OTOG: variants seen among roughly 807,000 people sequenced by gnomAD.
The protein encoded by OTOG is otogelin.
A neutral mutation model predicts 313.8 loss-of-function variants in OTOG; 296 were observed. The observed-to-expected ratio is 0.94, with a 90% CI of 0.86 to 1.04. The LOEUF (loss-of-function observed/expected upper bound fraction) is 1.04. Ranked by LOEUF, OTOG falls within the 50% of genes least tolerant of loss-of-function variation. The pLI, the probability that OTOG is intolerant of heterozygous loss-of-function variation, is 0.00. For missense variants in OTOG, 3,948 were observed against 3,840.1 expected (o/e 1.03, Z -0.74); for synonymous variants, 1,533 against 1,554.9 (o/e 0.99, Z 0.33).
At position 17,627,120 on chromosome 11, in the gene OTOG, G is replaced by T. The variant is rs188968557; in HGVS notation, c.6529-2013G>T. ...TCAATGCCCTTCATTTCTTTCTCTT[G>T]TCTGATTGCTCTAGGTAGGACTTCT... On this transcript the variant is annotated intron_variant, in intron 39 of 55. Transcript: ENST00000399397. Among the ~76,000 whole-genome samples the T allele has an allele frequency of 4.1e-3, 623 of 152,060 alleles. 4 individuals carry two copies. Among genetic ancestry groups the T allele is most frequent in the Middle Eastern group, 0.017 (5 of 294 alleles).
intron 16 of OTOG, 83 bp from the exon 17 acceptor site, chr11:17,570,130 T>G: frequency 7.7e-7 from 1 of 1,296,234 alleles, no homozygotes; most frequent in Non-Finnish European, 1.1e-6. Flanking sequence ...CGTGGGAGTC[T>G]GAGCGGGCCA....
At chr11:17,638,972 C>G in intron 48 of OTOG, 1 of 393,364 alleles carries the variant, frequency 2.5e-6, no homozygotes, top group South Asian at 2.1e-5. Context: ...GTGATAGGTG[C>G]CTTTAAGAGG....
chr11:17,548,200 C>T lies in OTOG; in HGVS notation c.204C>T (p.Val68=), dbSNP rs999578353. ...TTGCCATGGGGGACAAGGCTACAGT[C>T]GTGGGAGGCCAGGTAAGGGAGGTCT... ...ATLAMGDKAT[V]VGGQQAEAPD... is the part of the protein sequence containing the mutation. The change falls in exon 3 of 56, where the codon GTC becomes GTT. Residue 68 remains valine, a synonymous_variant. Transcript: ENST00000399397. The T allele has an allele frequency of 1.2e-5, 19 of 1,546,522 alleles. No homozygotes were observed. The East Asian group carries it at 2.0e-4, about 16-fold the overall frequency.
chr11:17,626,617 C>T (rs1224147811), intron 39 of OTOG, among the ~76,000 whole-genome samples: 3 of 152,084 alleles, frequency 2.0e-5, no homozygotes, highest in African/African-American at 7.2e-5. Flanking sequence ...TTTTATAATT[C>T]CATGTATATT....
In OTOG at chr11:17,586,486, C is replaced by A; in HGVS notation, c.2772C>A (p.His924Gln). 7.0e-7 allele frequency: 1 copy of A among 1,430,384 alleles called. No homozygotes were observed. The highest frequency in any genetic ancestry group is 1.6e-5 in the South Asian group (1 of 63,208). The allele number at this position is 1,430,384 out of a possible 1,614,324, so 88.6% of individuals were successfully genotyped here. Residue 924 changes from histidine (H) to glutamine (Q), a missense_variant, in exon 24 of 56, where the codon CAC becomes CAA. By Grantham distance (24) the His-to-Gln change is conservative (BLOSUM62 0). Coordinates refer to ENST00000399397, the MANE Select transcript of OTOG (RefSeq NM_001292063.2). ...GCACPQGLLR[H>Q]GDACFLPEEC... The stretch of plus-strand genomic sequence containing the variant: ...TGTGTCTCTACAGTCTGCTCAGACA[C>A]GGGGATGCATGTTTCCTGCCAGAGG...
rs1470665436 is a variant in OTOG at position 17,642,186 on chromosome 11, T to A, written c.8355T>A (p.Gly2785=). ...ARHHCSSTPL[G]AVLVRSPISC... ...ACCACTGCAGCAGCACGCCCCTGGG[T>A]GCCGTGCTGGTCCGCTCTCCCATAA... The change falls in exon 53 of 56, where the codon GGT becomes GGA. Residue 2785 remains glycine, a synonymous_variant. Coordinates refer to ENST00000399397, the MANE Select transcript of OTOG (RefSeq NM_001292063.2). 1.9e-6 allele frequency: 3 copies of A among 1,550,222 alleles called. No homozygotes were observed. The African/African-American group carries it at 4.1e-5, about 21-fold the overall frequency.
intron 3 of OTOG, among the ~76,000 whole-genome samples, chr11:17,551,127 A>T (rs772870185): frequency 9.2e-5 from 14 of 152,236 alleles, no homozygotes; most frequent in Non-Finnish European, 1.8e-4. Flanking sequence ...TGTTCACTGC[A>T]TCCAGCACAA....
rs1854133435 is a variant in OTOG, at chr11:17,631,790, C to A, written c.6801C>A (p.Asp2267Glu). The change falls in exon 41 of 56, where the codon GAC becomes GAA. Residue 2267 changes from aspartate to glutamate, a missense_variant. Transcript: ENST00000399397. ...GGAEDPAPFL[D>E]SWQVPSSLTS... ...CTGAGGACCCTGCTCCCTTTCTGGA[C>A]AGCTGGCAGGTGCCCAGCTCCCTGA... The A allele has an allele frequency of 4.5e-6, 7 of 1,550,660 alleles. No homozygotes were observed. The highest frequency in any genetic ancestry group is 6.1e-6 in the Non-Finnish European group (7 of 1,147,012).
intron 32 of OTOG, among the ~76,000 whole-genome samples, chr11:17,603,889 G>A (rs1565113108): frequency 2.0e-5 from 3 of 152,172 alleles, no homozygotes; most frequent in Non-Finnish European, 4.4e-5. Context: ...AGATTTTTGT[G>A]GTGGGGAGGT....
At position 17,593,703 on chromosome 11, in the gene OTOG, CT is replaced by C; in HGVS notation, c.3236del (p.Leu1079ProfsTer30). 6.5e-7 allele frequency: 1 copy of C among 1,548,946 alleles called. No individual in the cohort carries two copies. Among genetic ancestry groups the C allele is most frequent in the Non-Finnish European group, 8.7e-7 (1 of 1,146,982 alleles). On this transcript the variant is annotated frameshift_variant, in exon 27 of 56. Coordinates refer to ENST00000399397, the MANE Select transcript of OTOG (RefSeq NM_001292063.2). LOFTEE classifies it high-confidence loss of function. ...LVHFPQEHIT[L>X]LWDQRTTVHV... is the part of the protein sequence containing the mutation. The stretch of plus-strand genomic sequence containing the variant: ...GCATTTCCCACAGGAGCACATCACC[CT>C]CTTGTGGGACCAGAGAACCACAGTG...
chr11:17,550,328 A>G (rs772755406), intron 3 of OTOG, among the ~76,000 whole-genome samples: 1 of 152,220 alleles, frequency 6.6e-6, no homozygotes, highest in Non-Finnish European at 1.5e-5. Flanking sequence ...ACATTTTTAT[A>G]AAATATTTTC....
At chr11:17,584,235 A>G (rs572267543) in intron 23 of OTOG, among the ~76,000 whole-genome samples, 32 of 152,312 alleles carry the variant, frequency 2.1e-4, no homozygotes, top group African/African-American at 7.7e-4. Context: ...GTAAGTGATC[A>G]TGTCATCTGT....
Position 17,638,962 on chromosome 11 carries a change from G to A in OTOG, c.7894+413G>A, listed in dbSNP as rs144849057. The A allele has an allele frequency of 3.3e-3, 1,340 of 411,620 alleles. 5 individuals carry two copies. Among genetic ancestry groups the A allele is most frequent in the Non-Finnish European group, 4.9e-3 (1,086 of 223,834 alleles). 25.5% of individuals were successfully genotyped at this position (411,620 alleles called of 1,614,324 possible). On this transcript the variant is annotated intron_variant, in intron 48 of 55. Transcript: ENST00000399397. ...AATACAAGAAAATCAGCCGGGCACGGTGATAGGTGCCTTTAAGAGGGTGGA... is the reference window on the plus strand; with the variant it reads ...AATACAAGAAAATCAGCCGGGCACGATGATAGGTGCCTTTAAGAGGGTGGA...
intron 34 of OTOG, 22 bp from the exon 35 acceptor site, chr11:17,609,108 C>T (rs1249592742): frequency 1.3e-6 from 2 of 1,543,736 alleles, no homozygotes; most frequent in African/African-American, 1.4e-5. Context: ...GGCCTTTAAA[C>T]TGCTCCCTGC....
At chr11:17,549,185 A>G (rs919070466) in intron 3 of OTOG, among the ~76,000 whole-genome samples, 6 of 152,112 alleles carry the variant, frequency 3.9e-5, no homozygotes, top group African/African-American at 1.2e-4. Flanking sequence ...CCCTCTTTCT[A>G]TAACTACAGA....
At chr11:17,587,537 T>C (rs1852825998) in intron 24 of OTOG, among the ~76,000 whole-genome samples, 1 of 152,204 alleles carries the variant, frequency 6.6e-6, no homozygotes, top group South Asian at 2.1e-4. Flanking sequence ...TCTGGCTAGC[T>C]GGAGCATGGC....
rs577412897 is a variant in OTOG, at chr11:17,561,758, G to A, written c.1595G>A (p.Arg532His). 7 of 1,550,486 alleles carry A rather than the reference G, an allele frequency of 4.5e-6. No homozygotes were observed. Among genetic ancestry groups the A allele is most frequent in the East Asian group, 4.9e-5 (2 of 40,910 alleles). The change falls in exon 15 of 56, where the codon CGC (arginine) becomes CAC (histidine). Residue 532 changes from arginine (R) to histidine (H), a missense_variant. Transcript: ENST00000399397. Reference sequence around the variant, plus strand: ...TGTCAGTACATCCTGGCCAAGAGCCGCTCTTCGGGCACCTTCACCGTGACA... The same window carrying A: ...TGTCAGTACATCCTGGCCAAGAGCCACTCTTCGGGCACCTTCACCGTGACA... Reference protein sequence around the residue: ...ATCQYILAKSRSSGTFTVTLQ... With the variant: ...ATCQYILAKSHSSGTFTVTLQ...
intron 15 of OTOG, among the ~76,000 whole-genome samples, chr11:17,568,479 A>G (rs1394489317): frequency 2.0e-5 from 3 of 152,218 alleles, no homozygotes. Context: ...TAATTGAGTA[A>G]TCAACTTTGT....
In OTOG at chr11:17,580,013, C is replaced by T. The variant is rs529448020; in HGVS notation, c.2759+1487C>T. 7.2e-5 allele frequency among the ~76,000 whole-genome samples: 11 copies of T among 152,342 alleles called. No homozygotes were observed. The South Asian group carries it at 1.7e-3, about 23-fold the overall frequency. On this transcript the variant is annotated intron_variant, in intron 23 of 55. Coordinates refer to ENST00000399397, the MANE Select transcript of OTOG (RefSeq NM_001292063.2). The stretch of plus-strand genomic sequence containing the variant: ...ATTTCCTACCATCCTGGAACATCCT[C>T]TTGCTGGGATAGGGCTCCCAAAGAT...
Sources: allele counts gnomAD v4.1 joint callset (sites outside exome capture counted in the v4.1 genomes callset), GRCh38; gene constraint gnomAD v4.1.1; transcripts MANE v1.5; gene names NCBI Gene and HGNC (gene_info 2026-07-23, HGNC 2026-07-21).